Variants in PTPRG observed in about 807,000 individuals in gnomAD.
PTPRG encodes the protein protein tyrosine phosphatase receptor type G, also known as receptor-type tyrosine-protein phosphatase gamma.
Under a neutral mutation model 165.3 loss-of-function variants are expected in PTPRG, and 102 were observed. That is an observed-to-expected ratio of 0.62 (90% CI 0.53 to 0.73). The LOEUF (loss-of-function observed/expected upper bound fraction) is 0.73. Among genes scored for constraint, PTPRG ranks in the 30% least tolerant of loss-of-function variants. PTPRG has a pLI of 0.00. For missense variants in PTPRG, 1,866 were observed against 1,861.4 expected, an observed-to-expected ratio of 1.00 and a Z score of -0.05; for synonymous variants, 675 against 669.5, an observed-to-expected ratio of 1.01 and a Z score of -0.13.
chr3:61,977,225 C>T (rs1430480508), intron 2 of PTPRG, among the ~76,000 whole-genome samples: 1 of 149,250 alleles, frequency 6.7e-6, no homozygotes, highest in Non-Finnish European at 1.5e-5. Context: ...AAACTTTTAC[C>T]TCACCGGGAG....
intron 1 of PTPRG, among the ~76,000 whole-genome samples, chr3:61,698,282 TATC>T (rs780230776): frequency 6.6e-6 from 1 of 152,160 alleles, no homozygotes; most frequent in South Asian, 2.1e-4. Flanking sequence ...TAATGTTGCT[TATC>T]ATCATCATCA....
At chr3:62,238,714 A>G (rs896984798) in intron 14 of PTPRG, among the ~76,000 whole-genome samples, 22 of 152,192 alleles carry the variant, frequency 1.4e-4, no homozygotes, top group Admixed American at 5.9e-4. Flanking sequence ...AAGCTCCCTA[A>G]GCCAAAGAGC....
At chr3:61,799,576 G>A (rs1265903517) in intron 2 of PTPRG, among the ~76,000 whole-genome samples, 1 of 152,206 alleles carries the variant, frequency 6.6e-6, no homozygotes, top group East Asian at 1.9e-4. Flanking sequence ...TTTACCTAAA[G>A]TTTTCCTCAT....
intron 2 of PTPRG, among the ~76,000 whole-genome samples, chr3:61,886,610 A>C (rs2038045057): frequency 6.6e-6 from 1 of 152,148 alleles, no homozygotes; most frequent in African/African-American, 2.4e-5. Context: ...AAAGGTGGAA[A>C]GACAGAAAGC....
intron 1 of PTPRG, among the ~76,000 whole-genome samples, chr3:61,600,604 A>G (rs993751508): frequency 6.6e-6 from 1 of 152,168 alleles, no homozygotes; most frequent in Non-Finnish European, 1.5e-5. Context: ...CAGCGGCACA[A>G]TGACAGCCCA....
At chr3:61,806,281 T>C (rs1228043820) in intron 2 of PTPRG, among the ~76,000 whole-genome samples, 1 of 152,130 alleles carries the variant, frequency 6.6e-6, no homozygotes, top group African/African-American at 2.4e-5. Context: ...TTGTGGGAAA[T>C]AATGTGTTGG....
intron 5 of PTPRG, among the ~76,000 whole-genome samples, chr3:62,087,068 A>G (rs1028134409): frequency 6.6e-6 from 1 of 152,344 alleles, no homozygotes. Flanking sequence ...TCATTGAATG[A>G]TAGTTTAAAA....
chr3:61,656,999 A>G (rs1702526026), intron 1 of PTPRG, among the ~76,000 whole-genome samples: 1 of 152,224 alleles, frequency 6.6e-6, no homozygotes, highest in African/African-American at 2.4e-5. Flanking sequence ...GGCCCCCATA[A>G]CAGATTAACA....
intron 2 of PTPRG, among the ~76,000 whole-genome samples, chr3:61,882,024 G>A (rs2037901555): frequency 6.6e-6 from 1 of 152,164 alleles, no homozygotes; most frequent in South Asian, 2.1e-4. Flanking sequence ...AAGAGCTTAT[G>A]CGAAGGGAGT....
intron 16 of PTPRG, 81 bp from the exon 17 acceptor site, chr3:62,262,717 T>C: frequency 1.0e-6 from 1 of 978,604 alleles, no homozygotes; most frequent in Non-Finnish European, 1.5e-6. Flanking sequence ...AGGGAGTGAG[T>C]AAATACTTTA....
intron 5 of PTPRG, among the ~76,000 whole-genome samples, chr3:62,110,471 A>C (rs1702630191): frequency 6.6e-6 from 1 of 152,052 alleles, no homozygotes; most frequent in South Asian, 2.1e-4. Context: ...CATAATATGA[A>C]GGCATTTATC....
chr3:62,269,467 T>C (rs1559735780), intron 20 of PTPRG, among the ~76,000 whole-genome samples: 1 of 152,134 alleles, frequency 6.6e-6, no homozygotes, highest in Non-Finnish European at 1.5e-5. Flanking sequence ...AGCATCTGTT[T>C]GATTTAGCTT....
intron 1 of PTPRG, among the ~76,000 whole-genome samples, chr3:61,584,857 G>A (rs1021701795): frequency 1.3e-5 from 2 of 152,188 alleles, no homozygotes; most frequent in Admixed American, 6.5e-5. Flanking sequence ...CAGCAAGATC[G>A]CCAGGTGACT....
chr3:61,772,309 CT>C (rs912542915), intron 2 of PTPRG, among the ~76,000 whole-genome samples: 3 of 151,872 alleles, frequency 2.0e-5, no homozygotes, highest in African/African-American at 7.3e-5. Context: ...AATGATTGGC[CT>C]TTGTTGCTGC....
At chr3:61,938,414 C>T (rs2107600290) in intron 2 of PTPRG, among the ~76,000 whole-genome samples, 1 of 152,182 alleles carries the variant, frequency 6.6e-6, no homozygotes. Flanking sequence ...TTTGCTATGC[C>T]TCATACATTT....
intron 2 of PTPRG, among the ~76,000 whole-genome samples, chr3:61,933,161 G>A (rs2039402899): frequency 6.6e-6 from 1 of 152,132 alleles, no homozygotes; most frequent in Non-Finnish European, 1.5e-5. Context: ...GTAGGAAATA[G>A]TGGAGCTGGG....
intron 2 of PTPRG, among the ~76,000 whole-genome samples, chr3:61,957,973 T>A (rs1189618947): frequency 1.3e-5 from 2 of 152,160 alleles, no homozygotes; most frequent in African/African-American, 4.8e-5. Context: ...GCTTGGAGCA[T>A]TTGCCTTAAT....
intron 5 of PTPRG, among the ~76,000 whole-genome samples, chr3:62,120,789 G>A (rs1458357469): frequency 6.6e-6 from 1 of 151,930 alleles, no homozygotes; most frequent in African/African-American, 2.4e-5. Context: ...AAAGATTGGG[G>A]TGTGGGTAGA....
At chr3:62,094,823 C>G (rs1210032658) in intron 5 of PTPRG, among the ~76,000 whole-genome samples, 1 of 152,158 alleles carries the variant, frequency 6.6e-6, no homozygotes, top group Non-Finnish European at 1.5e-5. Context: ...GCTGCTGAAA[C>G]TTTTTAGAAG....
Sources: gnomAD v4.1 joint callset for allele counts (sites outside exome capture counted in the v4.1 genomes callset) on GRCh38, gnomAD v4.1.1 for gene constraint, MANE v1.5 for transcripts, NCBI Gene and HGNC (gene_info 2026-07-23, HGNC 2026-07-21) for gene names.